PPEF2: variants seen among roughly 807,000 people sequenced by gnomAD.
The protein encoded by PPEF2 is serine/threonine-protein phosphatase with EF-hands 2.
Under a neutral mutation model 84.7 loss-of-function variants are expected in PPEF2, and 84 were observed. That is an observed-to-expected ratio of 0.99 (90% CI 0.83 to 1.19). The LOEUF (loss-of-function observed/expected upper bound fraction) is 1.19. PPEF2 is among the 50% of genes most tolerant of loss of function. PPEF2 has a pLI of 0.00. For missense variants in PPEF2, 924 were observed against 937.5 expected (o/e 0.99, Z 0.19); for synonymous variants, 346 against 345.2 (o/e 1.00, Z -0.03).
chr4:75,898,677 G>C (rs1430656587), intron 1 of PPEF2, among the ~76,000 whole-genome samples: 1 of 152,208 alleles, frequency 6.6e-6, no homozygotes, highest in East Asian at 1.9e-4. Context: ...CTGACATGTA[G>C]TAGGGATTCC....
Position 75,891,988 on chromosome 4 carries a change from C to A in PPEF2, c.56-10G>T, listed in dbSNP as rs765046799. 1 of 1,609,736 alleles carries A rather than the reference C, an allele frequency of 6.2e-7. No homozygotes were observed. Among genetic ancestry groups the A allele is most frequent in the Non-Finnish European group, 8.5e-7 (1 of 1,176,446 alleles). On this transcript the variant is annotated splice_polypyrimidine_tract_variant and intron_variant, in intron 2 of 16. Transcript: ENST00000286719. ...GCTGCTGCCTTGAAGGCTATGACAC[C>A]GATGGAGAAGCAAGCCTGTGAGCTC... is the stretch of plus-strand genomic sequence containing the variant.
At chr4:75,899,487 CA>C (rs1412799006) in intron 1 of PPEF2, among the ~76,000 whole-genome samples, 1 of 152,248 alleles carries the variant, frequency 6.6e-6, no homozygotes, top group East Asian at 1.9e-4. Flanking sequence ...GACTTAACAT[CA>C]AGAGCGAATC....
intron 2 of PPEF2, among the ~76,000 whole-genome samples, chr4:75,895,358 G>C (rs1035796502): frequency 1.4e-5 from 2 of 144,322 alleles, no homozygotes; most frequent in African/African-American, 5.2e-5. Flanking sequence ...GAACCCAGGA[G>C]GCGGAGGTTG....
intron 12 of PPEF2, among the ~76,000 whole-genome samples, chr4:75,872,769 G>A (rs989440495): frequency 6.6e-6 from 1 of 152,212 alleles, no homozygotes; most frequent in African/African-American, 2.4e-5. Flanking sequence ...CCAAAGATTA[G>A]TCAGGATGTT....
At chr4:75,897,755 C>A (rs1050605497) in intron 1 of PPEF2, among the ~76,000 whole-genome samples, 1 of 152,080 alleles carries the variant, frequency 6.6e-6, no homozygotes, top group Non-Finnish European at 1.5e-5. Context: ...CCAGCCTGGG[C>A]GACAGAGCAA....
intron 6 of PPEF2, 69 bp downstream of exon 6, chr4:75,888,145 G>T: frequency 1.6e-6 from 2 of 1,225,442 alleles, no homozygotes; most frequent in Non-Finnish European, 2.4e-6. Flanking sequence ...CACTCCTCTT[G>T]CATCCCCACA....
intron 16 of PPEF2, among the ~76,000 whole-genome samples, chr4:75,864,151 C>T (rs144302593): frequency 0.015 from 2,218 of 152,218 alleles, 50 homozygotes; most frequent in African/African-American, 0.051. Context: ...GGGATTAAGG[C>T]AGGAGCCACC....
intron 11 of PPEF2, 77 bp downstream of exon 11, chr4:75,876,210 T>A: frequency 6.7e-7 from 1 of 1,499,640 alleles, no homozygotes; most frequent in Non-Finnish European, 8.9e-7. Flanking sequence ...TCAAAACATA[T>A]CCTGAGTTTC....
chr4:75,887,677 A>T (rs1724766461), intron 6 of PPEF2, among the ~76,000 whole-genome samples: 2 of 151,630 alleles, frequency 1.3e-5, no homozygotes, highest in African/African-American at 4.8e-5. Context: ...GACCATCTGC[A>T]GGCTGCAGGT....
chr4:75,882,900 A>T (rs1724612303), intron 10 of PPEF2, 26 bp downstream of exon 10: 1 of 1,594,194 alleles, frequency 6.3e-7, no homozygotes, highest in Admixed American at 1.8e-5. Context: ...TTATGGTGAA[A>T]TTTGTATTAT....
At chr4:75,864,375 G>T in intron 16 of PPEF2, 65 bp downstream of exon 16, 1 of 1,230,970 alleles carries the variant, frequency 8.1e-7, no homozygotes, top group South Asian at 1.2e-5. Context: ...TCAGGAAGGA[G>T]ATTAAGGGTT....
chr4:75,882,875 C>T, intron 10 of PPEF2, 51 bp downstream of exon 10: 2 of 1,563,954 alleles, frequency 1.3e-6, no homozygotes, highest in Non-Finnish European at 1.7e-6. Context: ...TTTATATTGG[C>T]AATGAAACTG....
At chr4:75,891,435 A>G (rs1724879323) in intron 4 of PPEF2, among the ~76,000 whole-genome samples, 1 of 152,138 alleles carries the variant, frequency 6.6e-6, no homozygotes, top group Admixed American at 6.6e-5. Flanking sequence ...CTTGAACTTA[A>G]TAAATGAATT....
rs777911608 is a variant in PPEF2, at chr4:75,891,851, C to T, written c.183G>A (p.Lys61=). The T allele has an allele frequency of 6.8e-6, 11 of 1,611,296 alleles. No homozygotes were observed. The highest frequency in any genetic ancestry group is 8.5e-6 in the Non-Finnish European group (10 of 1,177,776). ...IEYAGQQDQV[K]LHDFFSYLMD... is the part of the protein sequence containing the mutation. ...GGCTCCGTCCCACATCTCATTGTACCTTGACTTGGTCTTGCTGCCCAGCAT... is the reference window on the plus strand; with the variant it reads ...GGCTCCGTCCCACATCTCATTGTACTTTGACTTGGTCTTGCTGCCCAGCAT... Residue 61 remains lysine (K), a splice_region_variant and synonymous_variant, in exon 3 of 17, where the codon AAG becomes AAA. Transcript: ENST00000286719.
At chr4:75,896,159 T>A in intron 2 of PPEF2, 112 bp downstream of exon 2, 1 of 1,185,966 alleles carries the variant, frequency 8.4e-7, no homozygotes. Flanking sequence ...AGAGCTGGCC[T>A]GAGGAGAAAT....
chr4:75,887,764 G>A (rs1724768430), intron 6 of PPEF2, among the ~76,000 whole-genome samples: 1 of 152,200 alleles, frequency 6.6e-6, no homozygotes, highest in Non-Finnish European at 1.5e-5. Flanking sequence ...TCTGTCTACA[G>A]TGGATGTTAA....
rs756601730 is a variant in PPEF2, at chr4:75,872,113, C to T, written c.1561G>A (p.Ala521Thr). The T allele has an allele frequency of 5.0e-6, 8 of 1,613,692 alleles. No homozygotes were observed. Among genetic ancestry groups the T allele is most frequent in the Non-Finnish European group, 5.9e-6 (7 of 1,179,792 alleles). Residue 521 changes from alanine (A) to threonine (T), a missense_variant, in exon 13 of 17, where the codon GCC (alanine) becomes ACC (threonine). Coordinates refer to ENST00000286719, the MANE Select transcript of PPEF2 (RefSeq NM_006239.3). Reference sequence around the variant, plus strand: ...AGGGCTGGCCCCAGTTTGACATAGGCCCCTCTGTTGCTGCCAACTTCATAG... The same window carrying T: ...AGGGCTGGCCCCAGTTTGACATAGGTCCCTCTGTTGCTGCCAACTTCATAG... ...NYYEVGSNRG[A>T]YVKLGPALTP...
chr4:75,879,590 A>G (rs557658162), intron 10 of PPEF2, among the ~76,000 whole-genome samples: 58 of 152,208 alleles, frequency 3.8e-4, no homozygotes, highest in African/African-American at 1.3e-3. Context: ...TCTTCTGGGT[A>G]TTTTCTTTCT....
intron 8 of PPEF2, 121 bp from the exon 9 acceptor site, chr4:75,883,323 T>A: frequency 1.1e-6 from 1 of 874,276 alleles, no homozygotes; most frequent in Non-Finnish European, 1.8e-6. Flanking sequence ...GAAAAGAGAC[T>A]GAGGAATAAT....
Sources: gnomAD v4.1 joint callset for allele counts (sites outside exome capture counted in the v4.1 genomes callset) on GRCh38, gnomAD v4.1.1 for gene constraint, MANE v1.5 for transcripts, NCBI Gene and HGNC (gene_info 2026-07-23, HGNC 2026-07-21) for gene names.